Variants in PCNX2 observed in about 807,000 individuals in gnomAD.
PCNX2 encodes pecanex 2.
A neutral mutation model predicts 223.8 loss-of-function variants in PCNX2; 168 were observed. That is an observed-to-expected ratio of 0.75 (90% CI 0.66 to 0.85). PCNX2 has a LOEUF of 0.85. PCNX2 is among the 40% of genes least tolerant of loss of function. The pLI is 0.00. For missense variants in PCNX2, 2,507 were observed against 2,675.5 expected (o/e 0.94, Z 1.39); for synonymous variants, 1,006 against 1,052.6 (o/e 0.96, Z 0.86).
chr1:233,062,519 C>G (rs186318974), intron 23 of PCNX2, among the ~76,000 whole-genome samples: 354 of 152,192 alleles, frequency 2.3e-3, no homozygotes, highest in Non-Finnish European at 4.1e-3. Context: ...GAATTTTAGT[C>G]TTTGGCATTA....
At chr1:233,090,264 T>C in intron 22 of PCNX2, 74 bp from the exon 23 acceptor site, 1 of 1,533,190 alleles carries the variant, frequency 6.5e-7, no homozygotes, top group Non-Finnish European at 8.8e-7. Flanking sequence ...CAAATTTTGA[T>C]GAGTTTTCAC....
At chr1:233,232,954 T>C (rs1487922146) in intron 9 of PCNX2, 2 of 985,272 alleles carry the variant, frequency 2.0e-6, no homozygotes, top group Non-Finnish European at 2.4e-6. Context: ...TACTATCTCA[T>C]TTTTTAATGT....
rs1670034174 is a variant in PCNX2 at position 233,000,255 on chromosome 1, G to C, written c.5328+50C>G. 2 of 1,541,092 alleles carry C rather than the reference G, an allele frequency of 1.3e-6. No homozygotes were observed. Among genetic ancestry groups the C allele is most frequent in the African/African-American group, 1.4e-5 (1 of 73,452 alleles). On this transcript the variant is annotated intron_variant, in intron 30 of 33. Coordinates refer to ENST00000258229, the MANE Select transcript of PCNX2 (RefSeq NM_014801.4). The surrounding 1 kb of genome is among the most constrained non-coding windows in gnomAD (Gnocchi z 4.6). Reference sequence around the variant, plus strand: ...CCCACCACCATTCTATTTCTTCTCAGATAGAGAGACACGAGCCAACAGGGG... The same window carrying C: ...CCCACCACCATTCTATTTCTTCTCACATAGAGAGACACGAGCCAACAGGGG...
At chr1:233,170,321 C>T (rs1465432933) in intron 17 of PCNX2, among the ~76,000 whole-genome samples, 1 of 152,174 alleles carries the variant, frequency 6.6e-6, no homozygotes, top group Non-Finnish European at 1.5e-5. Flanking sequence ...ACTCTGAGAA[C>T]TTTACATTTT....
At chr1:233,071,114 A>C (rs960438336) in intron 23 of PCNX2, among the ~76,000 whole-genome samples, 1 of 152,226 alleles carries the variant, frequency 6.6e-6, no homozygotes, top group East Asian at 1.9e-4. Context: ...TTACTTCCCC[A>C]TAAGATTGGG....
chr1:233,153,971 T>A (rs1558288304), intron 19 of PCNX2, among the ~76,000 whole-genome samples: 2 of 152,212 alleles, frequency 1.3e-5, no homozygotes, highest in South Asian at 4.1e-4. Context: ...GCAAAGTAAA[T>A]CTCATTTAAG....
Position 233,280,209 on chromosome 1 carries a change from A to T in PCNX2, c.153+15117T>A, listed in dbSNP as rs575668658. Among the ~76,000 whole-genome samples, 40 of 152,158 alleles carry T rather than the reference A, an allele frequency of 2.6e-4. 1 individual carries two copies. The highest frequency in any genetic ancestry group is 5.3e-4 in the Non-Finnish European group (36 of 68,030). ...ATACCTGTTTCTAGTCATCTGCTAT[A>T]ACAAATAGTGCTTCAGTGACTCACT... On this transcript the variant is annotated intron_variant, in intron 1 of 33. Coordinates refer to ENST00000258229, the MANE Select transcript of PCNX2 (RefSeq NM_014801.4).
intron 25 of PCNX2, among the ~76,000 whole-genome samples, chr1:233,035,996 C>A (rs764584480): frequency 6.6e-6 from 1 of 152,132 alleles, no homozygotes; most frequent in East Asian, 1.9e-4. Context: ...TTGCCTCTTG[C>A]CAACTGGTTA....
chr1:233,122,357 C>G (rs1675851956), intron 21 of PCNX2, among the ~76,000 whole-genome samples: 1 of 152,090 alleles, frequency 6.6e-6, no homozygotes, highest in Admixed American at 6.6e-5. Context: ...TGAAACATAA[C>G]TTCCCATTCC....
chr1:233,017,595 C>T (rs537171341), intron 26 of PCNX2, among the ~76,000 whole-genome samples: 5 of 152,094 alleles, frequency 3.3e-5, no homozygotes, highest in Admixed American at 6.5e-5. Flanking sequence ...GGATTACAGG[C>T]ATGAGCCACC....
chr1:233,277,877 G>C (rs1660995497), intron 1 of PCNX2, among the ~76,000 whole-genome samples: 1 of 152,134 alleles, frequency 6.6e-6, no homozygotes, highest in African/African-American at 2.4e-5. Context: ...AAGGGAAAAG[G>C]GGAAATGGAA....
chr1:233,106,499 C>T (rs1029799062), intron 21 of PCNX2, among the ~76,000 whole-genome samples: 2 of 151,954 alleles, frequency 1.3e-5, no homozygotes, highest in African/African-American at 4.8e-5. Flanking sequence ...ACTGCAGGCA[C>T]GTGCCACCAC....
At chr1:233,170,964 T>G (rs1018029133) in intron 17 of PCNX2, among the ~76,000 whole-genome samples, 2 of 152,340 alleles carry the variant, frequency 1.3e-5, no homozygotes, top group Admixed American at 1.3e-4. Flanking sequence ...AAACACTCCC[T>G]TCCTTTGTGC....
chr1:233,051,352 C>T (rs1386140527), intron 25 of PCNX2, among the ~76,000 whole-genome samples: 1 of 152,076 alleles, frequency 6.6e-6, no homozygotes, highest in East Asian at 1.9e-4. Flanking sequence ...GGTATATATA[C>T]TCAAATAAAA....
At chr1:233,199,181 G>C (rs1322665903) in intron 14 of PCNX2, 151 bp from the exon 15 acceptor site, 1 of 242,928 alleles carries the variant, frequency 4.1e-6, no homozygotes, top group Non-Finnish European at 6.6e-6. Context: ...AAAGGCACTG[G>C]GTGACTCACA....
chr1:233,100,139 G>A (rs375306503), intron 21 of PCNX2, among the ~76,000 whole-genome samples: 7 of 152,158 alleles, frequency 4.6e-5, no homozygotes, highest in African/African-American at 1.4e-4. Flanking sequence ...AGGGCCGGGC[G>A]CGGGGGCTCA....
chr1:233,263,940 A>G (rs1660195677), intron 1 of PCNX2, among the ~76,000 whole-genome samples: 1 of 152,194 alleles, frequency 6.6e-6, no homozygotes, highest in Non-Finnish European at 1.5e-5. Flanking sequence ...CTAACCTCCC[A>G]CTGCGATAAC....
chr1:233,241,870 G>A (rs115086509), intron 8 of PCNX2, among the ~76,000 whole-genome samples: 64 of 152,246 alleles, frequency 4.2e-4, no homozygotes, highest in African/African-American at 1.5e-3. Flanking sequence ...CCAAGTCAGA[G>A]TGTCACTATT....
rs1679398367 is a variant in PCNX2, at chr1:233,175,078, A to C, written c.3273+2724T>G. On this transcript the variant is annotated intron_variant, in intron 17 of 33. Coordinates refer to ENST00000258229, the MANE Select transcript of PCNX2 (RefSeq NM_014801.4). ...TAATGAGGCTCCCTGAGGGGTTCTC[A>C]TACAGACTAAAACTCAAGAAGAGAG... Among the ~76,000 whole-genome samples the C allele has an allele frequency of 2.0e-5, 3 of 152,284 alleles. No individual in the cohort carries two copies. In the South Asian group the frequency reaches 6.2e-4, roughly 32 times the overall value.
Sources: allele counts gnomAD v4.1 joint callset (sites outside exome capture counted in the v4.1 genomes callset), GRCh38; gene constraint gnomAD v4.1.1; non-coding constraint Gnocchi (gnomAD v3.1); transcripts MANE v1.5; gene names NCBI Gene and HGNC (gene_info 2026-07-23, HGNC 2026-07-21).